The following NCL variants were observed in gnomAD, a reference collection of about 807,000 sequenced individuals.
The protein encoded by NCL is nucleolin multifunctional protein.
Under a neutral mutation model 77.7 loss-of-function variants are expected in NCL, and 4 were observed. The ratio of observed to expected loss-of-function variants is 0.05; its 90% CI spans 0.03 to 0.12. NCL has a LOEUF of 0.12. Ranked by LOEUF, NCL falls within the 10% of genes least tolerant of loss-of-function variation. The pLI is 1.00. For synonymous variants in NCL, 344 were observed against 297.8 expected (o/e 1.16, Z -1.60); for missense variants, 763 against 860.9 (o/e 0.89, Z 1.42).
chr2:231,460,359 T>C (rs1406280631), intron 5 of NCL, 66 bp from the exon 6 acceptor site: 1 of 1,606,866 alleles, frequency 6.2e-7, no homozygotes. Context: ...CAAAGCAAAA[T>C]TTCTATACAC....
At chr2:231,464,180 A>G in intron 1 of NCL, 156 bp downstream of exon 1, 1 of 1,432,894 alleles carries the variant, frequency 7.0e-7, no homozygotes, top group Non-Finnish European at 9.2e-7. Context: ...AGTAGCCAGA[A>G]GCCGCGAGAC....
At chr2:231,464,228 G>C (rs577202032) in intron 1 of NCL, 108 bp downstream of exon 1, 12 of 1,497,958 alleles carry the variant, frequency 8.0e-6, no homozygotes, top group Non-Finnish European at 9.0e-6. Flanking sequence ...GCAGCATGGC[G>C]CCCTAGAACG....
rs778895808 is a variant in NCL at position 231,462,050 on chromosome 2, C to T, written c.136-33G>A. 10 of 1,609,076 alleles carry T rather than the reference C, an allele frequency of 6.2e-6. No homozygotes were observed. In the South Asian group the frequency reaches 1.1e-4, roughly 18 times the overall value. On this transcript the variant is annotated intron_variant, in intron 2 of 13. Transcript: ENST00000322723. ...ATAAATGAAAACCAAACCAGTAAGT[C>T]CAGCCCCACACCCAAAAAGATAACC...
chr2:231,456,926 C>A, intron 10 of NCL, 75 bp downstream of exon 10: 1 of 1,576,522 alleles, frequency 6.3e-7, no homozygotes, highest in Non-Finnish European at 8.6e-7. Context: ...CTGACAGGAT[C>A]ACATGACCTT....
At chr2:231,464,070 AC>A in intron 1 of NCL, 1 of 1,312,600 alleles carries the variant, frequency 7.6e-7, no homozygotes, top group Non-Finnish European at 9.8e-7. Flanking sequence ...TCATCTCTCC[AC>A]CCCGAGGCCC....
At chr2:231,459,165 A>G in intron 6 of NCL, 40 bp from the exon 7 acceptor site, 1 of 1,504,334 alleles carries the variant, frequency 6.6e-7, no homozygotes, top group East Asian at 2.5e-5. Context: ...AACAGGTGAA[A>G]ACACAAATCA....
intron 1 of NCL, 158 bp downstream of exon 1, chr2:231,464,178 G>A (rs1054464348): frequency 6.8e-5 from 98 of 1,432,134 alleles, no homozygotes; most frequent in African/African-American, 4.1e-4. Flanking sequence ...CAAGTAGCCA[G>A]AAGCCGCGAG....
At chr2:231,462,209 C>T (rs2046959753) in intron 2 of NCL, 192 bp from the exon 3 acceptor site, 1 of 763,082 alleles carries the variant, frequency 1.3e-6, no homozygotes, top group African/African-American at 1.7e-5. Flanking sequence ...AGGTGAATAC[C>T]CAGACATAAG....
intron 1 of NCL, 199 bp from the exon 2 acceptor site, chr2:231,463,515 A>G: frequency 1.8e-6 from 1 of 564,542 alleles, no homozygotes; most frequent in Non-Finnish European, 3.1e-6. Context: ...TTTTCCTCCC[A>G]GGCTTTACCA....
intron 7 of NCL, chr2:231,458,700 C>T (rs2125635051): frequency 7.2e-6 from 3 of 417,262 alleles, no homozygotes; most frequent in Middle Eastern, 1.3e-3. Flanking sequence ...TAATTAGGGA[C>T]CTAATCTAGT....
intron 2 of NCL, 145 bp from the exon 3 acceptor site, chr2:231,462,162 T>G: frequency 9.3e-7 from 1 of 1,078,638 alleles, no homozygotes; most frequent in Non-Finnish European, 1.4e-6. Context: ...AACTCCAGGC[T>G]TCTGTTATGT....
chr2:231,460,972 G>A (rs1007198405), intron 3 of NCL, 106 bp from the exon 4 acceptor site: 66 of 969,262 alleles, frequency 6.8e-5, no homozygotes, highest in Admixed American at 3.6e-5. Flanking sequence ...TTAGTTAACA[G>A]TCATGGCAAG....
intron 1 of NCL, 180 bp from the exon 2 acceptor site, chr2:231,463,496 C>G (rs528102056): frequency 1.6e-6 from 1 of 606,276 alleles, no homozygotes; most frequent in Non-Finnish European, 2.9e-6. Context: ...TACTCTCAAC[C>G]GCCCACATTT....
At chr2:231,455,757 A>G in intron 12 of NCL, 133 bp from the exon 13 acceptor site, 4 of 1,216,704 alleles carry the variant, frequency 3.3e-6, no homozygotes, top group Non-Finnish European at 4.8e-6. Context: ...GTGACAGAGT[A>G]GCTCTCTATG....
chr2:231,458,225 A>C, intron 8 of NCL, 41 bp downstream of exon 8: 1 of 1,588,948 alleles, frequency 6.3e-7, no homozygotes. Flanking sequence ...AAAGTGCATT[A>C]ATGTTAATAA....
rs1415032455 is a variant in NCL at position 231,457,748 on chromosome 2, C to G, written c.1342G>C (p.Glu448Gln). 4 of 1,613,116 alleles carry G rather than the reference C, an allele frequency of 2.5e-6. 1 individual carries two copies. The South Asian group carries it at 4.4e-5, about 18-fold the overall frequency. Residue 448 changes from glutamate (E) to glutamine (Q), a missense_variant, in exon 9 of 14, where the codon GAA becomes CAA. Coordinates refer to ENST00000322723, the MANE Select transcript of NCL (RefSeq NM_005381.3). ...CCATCGATCTCTGTTCCCTGCTTTT[C>G]TTCAAAGGTTTTCTCTGCATCAGCT... ...TEADAEKTFEEKQGTEIDGRS... is the reference protein window; with the variant it reads ...TEADAEKTFEQKQGTEIDGRS...
intron 1 of NCL, chr2:231,463,645 T>C: frequency 3.6e-6 from 1 of 276,260 alleles, no homozygotes; most frequent in Non-Finnish European, 6.8e-6. Context: ...TCTACCACCC[T>C]CATCTGAATC....
Position 231,456,775 on chromosome 2 carries a change from AC to A in NCL, c.1572-12del, listed in dbSNP as rs1486409858. ...TCTATAAATGCATACCTGAGGATGA[AC>A]AGTTAATGCTTAGAGTAAGTTACCA... On this transcript the variant is annotated splice_polypyrimidine_tract_variant and intron_variant, in intron 10 of 13. Coordinates refer to ENST00000322723, the MANE Select transcript of NCL (RefSeq NM_005381.3). The A allele has an allele frequency of 3.1e-6, 5 of 1,614,022 alleles. No individual in the cohort carries two copies. Among genetic ancestry groups the A allele is most frequent in the Non-Finnish European group, 3.4e-6 (4 of 1,179,944 alleles).
chr2:231,455,083 G>A lies in NCL; in HGVS notation c.*108C>T, dbSNP rs1363520680. ...GGATTTCCAAGGAGACCACAGGACT[G>A]TATACTGTCTTGGAATGTCCTCAGA... On this transcript the variant is annotated 3_prime_UTR_variant, in exon 14 of 14. Transcript: ENST00000322723. 4 of 1,230,460 alleles carry A rather than the reference G, an allele frequency of 3.3e-6. No homozygotes were observed. Among genetic ancestry groups the A allele is most frequent in the Non-Finnish European group, 1.2e-6 (1 of 843,252 alleles). The allele number at this position is 1,230,460 out of a possible 1,614,324, so 76.2% of individuals were successfully genotyped here.
Sources: gnomAD v4.1 joint callset for allele counts on GRCh38, gnomAD v4.1.1 for gene constraint, MANE v1.5 for transcripts, NCBI Gene and HGNC (gene_info 2026-07-23, HGNC 2026-07-21) for gene names.